AUTS2: variants seen among roughly 807,000 people sequenced by gnomAD.
The protein encoded by AUTS2 is autism susceptibility gene 2 protein.
Under a neutral mutation model 112.4 loss-of-function variants are expected in AUTS2, and 17 were observed. The ratio of observed to expected loss-of-function variants is 0.15; its 90% CI spans 0.10 to 0.23. The LOEUF (loss-of-function observed/expected upper bound fraction) is 0.23. Among genes scored for constraint, AUTS2 ranks in the 10% least tolerant of loss-of-function variants. The probability of loss-of-function intolerance (pLI) is 1.00; values close to 1 mark genes in which losing one functional copy is unlikely to be tolerated. For synonymous variants in AUTS2, 751 were observed against 702.7 expected (o/e 1.07, Z -1.09); for missense variants, 1,510 against 1,701.6 (o/e 0.89, Z 1.98).
intron 2 of AUTS2, among the ~76,000 whole-genome samples, chr7:69,921,109 G>A (rs920199359): frequency 1.3e-5 from 2 of 152,154 alleles, no homozygotes; most frequent in Non-Finnish European, 2.9e-5. Context: ...CAGAGATGGC[G>A]AGTTGTGTGG....
At chr7:70,725,721 T>C (rs541115178) in intron 6 of AUTS2, among the ~76,000 whole-genome samples, 7 of 152,324 alleles carry the variant, frequency 4.6e-5, no homozygotes, top group Non-Finnish European at 7.4e-5. Context: ...GGTCAGTTCC[T>C]ACAGGTAGAG....
rs76784922 is a variant in AUTS2, at chr7:70,341,792, C to T, written c.661-93960C>T. Among the ~76,000 whole-genome samples, 874 of 152,262 alleles carry T rather than the reference C, an allele frequency of 5.7e-3. 1 individual carries two copies. Among genetic ancestry groups the T allele is most frequent in the Non-Finnish European group, 9.9e-3 (674 of 68,020 alleles). On this transcript the variant is annotated intron_variant, in intron 4 of 18. Transcript: ENST00000342771. ...ATCTGTTAGTGACTGATTATTTGAACGGTAAGGACAGATCTGTAGAAAAGG... is the reference window on the plus strand; with the variant it reads ...ATCTGTTAGTGACTGATTATTTGAATGGTAAGGACAGATCTGTAGAAAAGG...
intron 1 of AUTS2, among the ~76,000 whole-genome samples, chr7:69,722,067 A>G (rs1411878006): frequency 2.0e-5 from 3 of 151,882 alleles, no homozygotes; most frequent in Admixed American, 1.3e-4. Flanking sequence ...AGGGAAGATT[A>G]TAGAGGGGAT....
At chr7:69,835,547 G>T (rs1430702974) in intron 1 of AUTS2, among the ~76,000 whole-genome samples, 1 of 152,116 alleles carries the variant, frequency 6.6e-6, no homozygotes, top group African/African-American at 2.4e-5. Context: ...ATTCAGTGTT[G>T]AAGATTTGTG....
At chr7:70,060,456 C>A (rs974732253) in intron 2 of AUTS2, among the ~76,000 whole-genome samples, 4 of 152,158 alleles carry the variant, frequency 2.6e-5, no homozygotes, top group African/African-American at 9.7e-5. Context: ...GCGGGGCTGG[C>A]AATCTGTGTT....
chr7:69,753,477 A>G (rs1787825365), intron 1 of AUTS2, among the ~76,000 whole-genome samples: 1 of 152,054 alleles, frequency 6.6e-6, no homozygotes, highest in Non-Finnish European at 1.5e-5. Flanking sequence ...GGCAGTTCAG[A>G]GAATATGAGA....
At chr7:69,624,960 C>T (rs1164854813) in intron 1 of AUTS2, among the ~76,000 whole-genome samples, 1 of 126,234 alleles carries the variant, frequency 7.9e-6, no homozygotes, top group African/African-American at 3.0e-5. Flanking sequence ...CTTGTCACTA[C>T]CACGCAGATT....
In AUTS2 at chr7:70,556,667, A is replaced by T. The variant is rs1404893548; in HGVS notation, c.690+120886A>T. On this transcript the variant is annotated intron_variant, in intron 5 of 18. Transcript: ENST00000342771. Reference sequence around the variant, plus strand: ...GTAGCCCTGAGACTTCTGTCCTTGGATCCCTTCTCTTGAGACCATTTATCT... The same window carrying T: ...GTAGCCCTGAGACTTCTGTCCTTGGTTCCCTTCTCTTGAGACCATTTATCT... 2.0e-5 allele frequency among the ~76,000 whole-genome samples: 3 copies of T among 152,012 alleles called. No homozygotes were observed. In the East Asian group the frequency reaches 5.8e-4, roughly 29 times the overall value.
At position 69,950,112 on chromosome 7, in the gene AUTS2, G is replaced by T. The variant is rs2129545843; in HGVS notation, c.522+50614G>T. Among the ~76,000 whole-genome samples the T allele has an allele frequency of 1.3e-5, 2 of 151,720 alleles. 1 individual carries two copies. The highest frequency in any genetic ancestry group is 4.2e-4 in the South Asian group (2 of 4,798). ...CTAAGTATTGCTTAGAACATATACTGTTTTTTTTCTCCTCAAAAATTGCCA... is the reference window on the plus strand; with the variant it reads ...CTAAGTATTGCTTAGAACATATACTTTTTTTTTTCTCCTCAAAAATTGCCA... On this transcript the variant is annotated intron_variant, in intron 2 of 18. Coordinates refer to ENST00000342771, the MANE Select transcript of AUTS2 (RefSeq NM_015570.4).
intron 4 of AUTS2, among the ~76,000 whole-genome samples, chr7:70,146,808 C>T (rs1807148350): frequency 6.6e-6 from 1 of 152,150 alleles, no homozygotes; most frequent in African/African-American, 2.4e-5. Flanking sequence ...ATGCTCTATA[C>T]TTATCTATGT....
At chr7:70,655,499 C>G (rs1299451771) in intron 5 of AUTS2, among the ~76,000 whole-genome samples, 2 of 152,138 alleles carry the variant, frequency 1.3e-5, no homozygotes, top group African/African-American at 2.4e-5. Flanking sequence ...ACTGAAACGC[C>G]AAGTATAATG....
At chr7:70,084,071 A>G (rs1424226275) in intron 2 of AUTS2, among the ~76,000 whole-genome samples, 1 of 152,148 alleles carries the variant, frequency 6.6e-6, no homozygotes, top group Non-Finnish European at 1.5e-5. Flanking sequence ...AAACAAAACA[A>G]ACAAACAAAA....
chr7:69,612,384 T>C (rs1256514962), intron 1 of AUTS2, among the ~76,000 whole-genome samples: 1 of 152,150 alleles, frequency 6.6e-6, no homozygotes, highest in African/African-American at 2.4e-5. Flanking sequence ...TGTAATGGCT[T>C]TCTGTGTGTT....
At chr7:70,224,933 G>T (rs144626721) in intron 4 of AUTS2, among the ~76,000 whole-genome samples, 111 of 152,272 alleles carry the variant, frequency 7.3e-4, no homozygotes, top group African/African-American at 2.6e-3. Context: ...TGTATAGTAG[G>T]CTATACCATT....
intron 1 of AUTS2, among the ~76,000 whole-genome samples, chr7:69,877,769 T>C (rs1004273028): frequency 6.6e-6 from 1 of 152,132 alleles, no homozygotes; most frequent in East Asian, 1.9e-4. Context: ...AAATAGACAT[T>C]ATAATGCAGT....
intron 5 of AUTS2, among the ~76,000 whole-genome samples, chr7:70,442,021 CAA>C (rs1796141038): frequency 6.6e-6 from 1 of 152,104 alleles, no homozygotes; most frequent in Non-Finnish European, 1.5e-5. Flanking sequence ...CCTTAGTTTT[CAA>C]ATAGGATATA....
intron 4 of AUTS2, among the ~76,000 whole-genome samples, chr7:70,235,806 C>A (rs1484139008): frequency 6.6e-6 from 1 of 151,960 alleles, no homozygotes; most frequent in Non-Finnish European, 1.5e-5. Flanking sequence ...CACCCACCAC[C>A]ATGCCGGGCT....
intron 5 of AUTS2, among the ~76,000 whole-genome samples, chr7:70,650,738 G>T (rs78628998): frequency 0.012 from 1,774 of 152,284 alleles, 12 homozygotes; most frequent in Non-Finnish European, 0.017. Flanking sequence ...GTGAACTTCT[G>T]TGACCATTAA....
At chr7:70,217,583 A>C (rs1811237078) in intron 4 of AUTS2, among the ~76,000 whole-genome samples, 1 of 152,160 alleles carries the variant, frequency 6.6e-6, no homozygotes, top group Non-Finnish European at 1.5e-5. Flanking sequence ...CTGGGTGTGA[A>C]TCAGGTATAT....
Sources: gnomAD v4.1 joint callset for allele counts (sites outside exome capture counted in the v4.1 genomes callset) on GRCh38, gnomAD v4.1.1 for gene constraint, MANE v1.5 for transcripts, NCBI Gene and HGNC (gene_info 2026-07-23, HGNC 2026-07-21) for gene names.